The following ZNF585A variants were observed in gnomAD, a reference collection of about 807,000 sequenced individuals.
The protein encoded by ZNF585A is zinc finger protein 585A.
Under a neutral mutation model 14.9 loss-of-function variants are expected in ZNF585A, and 9 were observed. The ratio of observed to expected loss-of-function variants is 0.60; its 90% CI spans 0.36 to 1.05. The LOEUF (loss-of-function observed/expected upper bound fraction) is 1.05. ZNF585A is among the 50% of genes least tolerant of loss of function. The probability of loss-of-function intolerance (pLI) is 0.01; values close to 1 mark genes in which losing one functional copy is unlikely to be tolerated. For missense variants in ZNF585A, 726 were observed against 926.4 expected (o/e 0.78, Z 2.81); for synonymous variants, 276 against 319.9 (o/e 0.86, Z 1.46).
intron 2 of ZNF585A, among the ~76,000 whole-genome samples, chr19:37,167,547 C>T (rs1972111246): frequency 6.6e-6 from 1 of 152,230 alleles, no homozygotes; most frequent in Non-Finnish European, 1.5e-5. Context: ...AGTTTAGTGA[C>T]ATGAAGTACA....
chr19:37,151,499 T>G lies in ZNF585A; in HGVS notation c.*90A>C. On this transcript the variant is annotated 3_prime_UTR_variant, in exon 5 of 5. Coordinates refer to ENST00000292841, the MANE Select transcript of ZNF585A (RefSeq NM_001288800.2). ...GACATTCTGCTGTGGTCATTTCTAT[T>G]TACAATAATATACATATTTTTCTGC... is the stretch of plus-strand genomic sequence containing the variant. 7.5e-7 allele frequency: 1 copy of G among 1,325,798 alleles called. No individual in the cohort carries two copies. The highest frequency in any genetic ancestry group is 2.4e-5 in the East Asian group (1 of 42,364). The allele number at this position is 1,325,798 out of a possible 1,614,324, so 82.1% of individuals were successfully genotyped here. A position where few individuals can be genotyped will look rare whatever the true frequency, so the allele number is the denominator to read the frequency against.
intron 2 of ZNF585A, among the ~76,000 whole-genome samples, chr19:37,169,427 C>G (rs1385154401): frequency 8.0e-6 from 1 of 124,568 alleles, no homozygotes; most frequent in Non-Finnish European, 1.7e-5. Context: ...ATCCGAAAAA[C>G]AGAAATGTAA....
At chr19:37,166,439 C>T (rs1972092042) in intron 2 of ZNF585A, among the ~76,000 whole-genome samples, 2 of 152,068 alleles carry the variant, frequency 1.3e-5, no homozygotes, top group Non-Finnish European at 1.5e-5. Context: ...CCTGCCTCAG[C>T]CTCCTGAGTA....
Position 37,151,288 on chromosome 19 carries a change from G to C in ZNF585A, c.*301C>G, listed in dbSNP as rs1236175063. The C allele has an allele frequency of 2.2e-6, 1 of 446,334 alleles. No homozygotes were observed. Among genetic ancestry groups the C allele is most frequent in the African/African-American group, 2.0e-5 (1 of 50,126 alleles). 27.6% of individuals were successfully genotyped at this position (446,334 alleles called of 1,614,324 possible). A position where few individuals can be genotyped will look rare whatever the true frequency, so the allele number is the denominator to read the frequency against. On this transcript the variant is annotated 3_prime_UTR_variant, in exon 5 of 5. Transcript: ENST00000292841. ...GTTAACTTAATACGATCTTTCTTAGGAAGAATTTGGTAACAGTATTCTATT... is the reference window on the plus strand; with the variant it reads ...GTTAACTTAATACGATCTTTCTTAGCAAGAATTTGGTAACAGTATTCTATT...
intron 2 of ZNF585A, 88 bp from the exon 3 acceptor site, chr19:37,156,443 T>G (rs1971932903): frequency 7.5e-6 from 11 of 1,462,524 alleles, no homozygotes; most frequent in Non-Finnish European, 3.6e-6. Flanking sequence ...CAGGTCTTGT[T>G]GTTTTAAATT....
At chr19:37,167,907 G>A (rs1221367807) in intron 2 of ZNF585A, among the ~76,000 whole-genome samples, 1 of 152,168 alleles carries the variant, frequency 6.6e-6, no homozygotes. Context: ...TGGGGTTACA[G>A]GCGTGAGCCA....
intron 2 of ZNF585A, among the ~76,000 whole-genome samples, chr19:37,157,930 C>T (rs1336989688): frequency 6.6e-6 from 1 of 150,922 alleles, no homozygotes; most frequent in African/African-American, 2.4e-5. Flanking sequence ...ACTCTGTCGC[C>T]CAGGCTAGAG....
chr19:37,155,278 G>A (rs948176605), intron 4 of ZNF585A, among the ~76,000 whole-genome samples: 8 of 151,410 alleles, frequency 5.3e-5, no homozygotes, highest in Admixed American at 3.9e-4. Flanking sequence ...GTGAGCCACC[G>A]CGCCCGGCCA....
chr19:37,169,711 C>T, intron 2 of ZNF585A, 128 bp downstream of exon 2: 1 of 1,000,556 alleles, frequency 1.0e-6, no homozygotes, highest in Non-Finnish European at 1.4e-6. Flanking sequence ...GTTTCAGGAG[C>T]AGCAGGTCTA....
chr19:37,155,044 A>C (rs1266855484), intron 4 of ZNF585A, among the ~76,000 whole-genome samples: 1 of 131,486 alleles, frequency 7.6e-6, no homozygotes, highest in African/African-American at 2.9e-5. Context: ...TCTGTCGCCC[A>C]GGCTGGAGTG....
chr19:37,165,772 A>G (rs1972083026), intron 2 of ZNF585A: 1 of 407,794 alleles, frequency 2.5e-6, no homozygotes, highest in South Asian at 1.0e-4. Context: ...CCAAAACTTC[A>G]GCATAATGAC....
At chr19:37,154,938 G>C (rs530313806) in intron 4 of ZNF585A, among the ~76,000 whole-genome samples, 104 of 152,088 alleles carry the variant, frequency 6.8e-4, no homozygotes, top group African/African-American at 2.3e-3. Flanking sequence ...TAGGACTATG[G>C]GGAATGTAGG....
Position 37,153,467 on chromosome 19 carries a change from C to A in ZNF585A, c.432G>T (p.Gln144His), listed in dbSNP as rs1186339591. The A allele has an allele frequency of 7.4e-6, 12 of 1,614,026 alleles. No homozygotes were observed. In the East Asian group the frequency reaches 2.7e-4, roughly 36 times the overall value. Residue 144 changes from glutamine (Q) to histidine (H), a missense_variant, in exon 5 of 5, where the codon CAG becomes CAT. Coordinates refer to ENST00000292841, the MANE Select transcript of ZNF585A (RefSeq NM_001288800.2). Reference sequence around the variant, plus strand: ...CAAGAACTTTCAGGTGTACTTTGAGCTGTGACTTCTGGGTGAATATCTTTT... The same window carrying A: ...CAAGAACTTTCAGGTGTACTTTGAGATGTGACTTCTGGGTGAATATCTTTT... Reference protein sequence around the residue: ...KFEKIFTQKSQLKVHLKVLAG... With the variant: ...KFEKIFTQKSHLKVHLKVLAG...
intron 2 of ZNF585A, among the ~76,000 whole-genome samples, chr19:37,167,863 C>T (rs968845818): frequency 6.6e-6 from 1 of 152,130 alleles, no homozygotes; most frequent in Admixed American, 6.5e-5. Context: ...AACTCCTGAC[C>T]TTGTGATCCA....
At chr19:37,156,489 T>G (rs968269893) in intron 2 of ZNF585A, 134 bp from the exon 3 acceptor site, 2 of 1,211,350 alleles carry the variant, frequency 1.7e-6, no homozygotes, top group African/African-American at 3.1e-5. Context: ...CCCATTTCTC[T>G]AATACTTTAT....
intron 4 of ZNF585A, among the ~76,000 whole-genome samples, chr19:37,154,396 TG>T (rs1158880243): frequency 2.0e-5 from 3 of 151,638 alleles, no homozygotes; most frequent in African/African-American, 7.3e-5. Context: ...GAAAAATGGG[TG>T]TGGGGGAAAG....
intron 2 of ZNF585A, among the ~76,000 whole-genome samples, chr19:37,165,155 T>C (rs73622783): frequency 0.4 from 60,937 of 151,846 alleles, 12,893 homozygotes; most frequent in African/African-American, 0.53. Context: ...AGGTCAAAGT[T>C]GAGACCATCC....
intron 2 of ZNF585A, among the ~76,000 whole-genome samples, chr19:37,168,065 C>T (rs941851112): frequency 6.6e-6 from 1 of 152,164 alleles, no homozygotes; most frequent in Non-Finnish European, 1.5e-5. Flanking sequence ...TTCATTTTTA[C>T]TTAATATAGT....
At chr19:37,161,913 T>G (rs1190801415) in intron 2 of ZNF585A, among the ~76,000 whole-genome samples, 1 of 152,240 alleles carries the variant, frequency 6.6e-6, no homozygotes, top group African/African-American at 2.4e-5. Context: ...CATTAATATC[T>G]GAAAGTATGA....
Sources: gnomAD v4.1 joint callset for allele counts (sites outside exome capture counted in the v4.1 genomes callset) on GRCh38, gnomAD v4.1.1 for gene constraint, MANE v1.5 for transcripts, NCBI Gene and HGNC (gene_info 2026-07-23, HGNC 2026-07-21) for gene names.